The following SIAH2 variants were observed in gnomAD, a reference collection of about 807,000 sequenced individuals.
The protein encoded by SIAH2 is siah E3 ubiquitin protein ligase 2, also known as E3 ubiquitin-protein ligase SIAH2.
In SIAH2, 4 loss-of-function variants were observed where a neutral mutation model predicts 20.4. The observed-to-expected ratio is 0.20, with a 90% CI of 0.10 to 0.45. The LOEUF is 0.45. SIAH2 is among the 20% of genes least tolerant of loss of function. The pLI is 0.99. For missense variants in SIAH2, 259 were observed against 440.3 expected, an observed-to-expected ratio of 0.59 and a Z score of 3.69; for synonymous variants, 171 against 192.5, an observed-to-expected ratio of 0.89 and a Z score of 0.93.
At chr3:150,743,071 G>T (rs1429399797) in intron 1 of SIAH2, among the ~76,000 whole-genome samples, 1 of 152,202 alleles carries the variant, frequency 6.6e-6, no homozygotes, top group East Asian at 1.9e-4. Flanking sequence ...CAATTGCTTG[G>T]GTGGTGGGGA....
In SIAH2 at chr3:150,741,951, G is replaced by A. The variant is rs889232736; in HGVS notation, c.*190C>T. On this transcript the variant is annotated 3_prime_UTR_variant, in exon 2 of 2. Coordinates refer to ENST00000312960, the MANE Select transcript of SIAH2 (RefSeq NM_005067.7). Reference sequence around the variant, plus strand: ...AGAACAGCATCCAAATCACCAACAGGCCAACCCCATTCATCCCAGGTTAAT... The same window carrying A: ...AGAACAGCATCCAAATCACCAACAGACCAACCCCATTCATCCCAGGTTAAT... The A allele has an allele frequency of 3.3e-6, 2 of 607,618 alleles. No homozygotes were observed. Among genetic ancestry groups the A allele is most frequent in the Admixed American group, 6.2e-5 (2 of 32,106 alleles). The allele number at this position is 607,618 out of a possible 1,614,324, so 37.6% of individuals were successfully genotyped here. A position where few individuals can be genotyped will look rare whatever the true frequency, so the allele number is the denominator to read the frequency against.
chr3:150,749,499 C>A (rs1342774264), intron 1 of SIAH2, among the ~76,000 whole-genome samples: 2 of 152,148 alleles, frequency 1.3e-5, no homozygotes, highest in African/African-American at 2.4e-5. Flanking sequence ...CTGACAGACA[C>A]CCTGTCTCAA....
At chr3:150,754,923 G>A (rs1301649678) in intron 1 of SIAH2, among the ~76,000 whole-genome samples, 1 of 152,110 alleles carries the variant, frequency 6.6e-6, no homozygotes, top group Non-Finnish European at 1.5e-5. Context: ...GGGAAGGGAA[G>A]CTCATTGGGA....
chr3:150,745,159 C>T (rs1714180848), intron 1 of SIAH2, among the ~76,000 whole-genome samples: 1 of 152,036 alleles, frequency 6.6e-6, no homozygotes, highest in Non-Finnish European at 1.5e-5. Context: ...TATCCCTTCT[C>T]TTTCCATCAT....
At position 150,762,138 on chromosome 3, in the gene SIAH2, C is replaced by G; in HGVS notation, c.417+295G>C. The G allele has an allele frequency of 2.4e-6, 1 of 408,244 alleles. No homozygotes were observed. Among genetic ancestry groups the G allele is most frequent in the Non-Finnish European group, 4.4e-6 (1 of 229,282 alleles). 25.3% of individuals were successfully genotyped at this position (408,244 alleles called of 1,614,324 possible). A position where few individuals can be genotyped will look rare whatever the true frequency, so the allele number is the denominator to read the frequency against. On this transcript the variant is annotated intron_variant, in intron 1 of 1. Coordinates refer to ENST00000312960, the MANE Select transcript of SIAH2 (RefSeq NM_005067.7). This position sits in a 1 kb window ranked among gnomAD's most constrained non-coding sequence, Gnocchi z 6.6. ...GCGGCCCAGCCCTACCGAGAGTACCCGAATACACGTCTGCAGAGGACGCGG... is the reference window on the plus strand; with the variant it reads ...GCGGCCCAGCCCTACCGAGAGTACCGGAATACACGTCTGCAGAGGACGCGG...
intron 1 of SIAH2, among the ~76,000 whole-genome samples, chr3:150,750,636 A>G (rs1714335442): frequency 6.6e-6 from 1 of 152,072 alleles, no homozygotes; most frequent in African/African-American, 2.4e-5. Context: ...CAGGGTAGTC[A>G]TGAATTCCCG....
intron 1 of SIAH2, among the ~76,000 whole-genome samples, chr3:150,756,364 G>A (rs1365607204): frequency 6.6e-6 from 1 of 152,224 alleles, no homozygotes; most frequent in Non-Finnish European, 1.5e-5. Flanking sequence ...CTTTCAAGGA[G>A]TGAGGACCTT....
intron 1 of SIAH2, among the ~76,000 whole-genome samples, chr3:150,748,362 T>C (rs1004705621): frequency 2.0e-5 from 3 of 152,246 alleles, no homozygotes; most frequent in East Asian, 1.9e-4. Context: ...TGTTTACTTA[T>C]GAAATGAGTA....
chr3:150,745,277 A>ACC (rs1553759391), intron 1 of SIAH2, among the ~76,000 whole-genome samples: 6 of 128,926 alleles, frequency 4.7e-5, no homozygotes, highest in East Asian at 4.5e-4. Flanking sequence ...ACACACACAC[A>ACC]CCCCACATTT....
Position 150,742,934 on chromosome 3 carries a change from C to T in SIAH2, c.418-236G>A, listed in dbSNP as rs546350530. ...ACCAGAAATACGCTGTTTTCCATGC[C>T]CCCTGTTCCGCTGTCAAAGGGATCA... On this transcript the variant is annotated intron_variant, in intron 1 of 1. Transcript: ENST00000312960. This position sits in a 1 kb window ranked among gnomAD's most constrained non-coding sequence, Gnocchi z 4.8. 6.6e-5 allele frequency among the ~76,000 whole-genome samples: 10 copies of T among 152,216 alleles called. No individual in the cohort carries two copies. Among genetic ancestry groups the T allele is most frequent in the African/African-American group, 2.4e-4 (10 of 41,520 alleles).
In SIAH2 at chr3:150,742,384, C is replaced by T. The variant is rs763661338; in HGVS notation, c.732G>A (p.Gln244=). 10 of 1,614,216 alleles carry T rather than the reference C, an allele frequency of 6.2e-6. No individual in the cohort carries two copies. In the South Asian group the frequency reaches 9.9e-5, roughly 16 times the overall value. Residue 244 remains glutamine, a synonymous_variant, in exon 2 of 2, where the codon CAG becomes CAA. Transcript: ENST00000312960. The surrounding 1 kb of genome is among the most constrained non-coding windows in gnomAD (Gnocchi z 4.8). ...CAATGAGCAGGACGATGGCAAAAAACTGCTGGTGGCCTTCGTACTTCTCTT... is the reference window on the plus strand; with the variant it reads ...CAATGAGCAGGACGATGGCAAAAAATTGCTGGTGGCCTTCGTACTTCTCTT... ...EKQEKYEGHQ[Q]FFAIVLLIGT...
At chr3:150,752,884 G>A (rs1714401614) in intron 1 of SIAH2, among the ~76,000 whole-genome samples, 1 of 152,158 alleles carries the variant, frequency 6.6e-6, no homozygotes, top group Non-Finnish European at 1.5e-5. Context: ...GCAAGAGGTT[G>A]TAGTGAAAAA....
At chr3:150,757,603 G>A (rs1053325591) in intron 1 of SIAH2, among the ~76,000 whole-genome samples, 4 of 152,068 alleles carry the variant, frequency 2.6e-5, no homozygotes, top group South Asian at 4.1e-4. Flanking sequence ...GCCTGGAGAC[G>A]TGGTGGTTCG....
At chr3:150,760,937 A>G in intron 1 of SIAH2, among the ~76,000 whole-genome samples, 1 of 152,260 alleles carries the variant, frequency 6.6e-6, no homozygotes, top group East Asian at 1.9e-4. Context: ...TAAGCACTAT[A>G]TGAGGAGGGG....
rs1714628859 is a variant in SIAH2 at position 150,762,136 on chromosome 3, C to T, written c.417+297G>A. On this transcript the variant is annotated intron_variant, in intron 1 of 1. Coordinates refer to ENST00000312960, the MANE Select transcript of SIAH2 (RefSeq NM_005067.7). The surrounding 1 kb of genome is among the most constrained non-coding windows in gnomAD (Gnocchi z 6.6). ...GTGCGGCCCAGCCCTACCGAGAGTA[C>T]CCGAATACACGTCTGCAGAGGACGC... 1 of 402,580 alleles carries T rather than the reference C, an allele frequency of 2.5e-6. No individual in the cohort carries two copies. The highest frequency in any genetic ancestry group is 4.4e-6 in the Non-Finnish European group (1 of 225,332). The allele number at this position is 402,580 out of a possible 1,614,324, so 24.9% of individuals were successfully genotyped here. A position where few individuals can be genotyped will look rare whatever the true frequency, so the allele number is the denominator to read the frequency against.
intron 1 of SIAH2, among the ~76,000 whole-genome samples, chr3:150,745,008 T>A (rs976090814): frequency 6.6e-6 from 1 of 152,084 alleles, no homozygotes; most frequent in Non-Finnish European, 1.5e-5. Context: ...AGAAAAGGCA[T>A]TACTTTGCAT....
At chr3:150,745,472 C>T (rs1714190771) in intron 1 of SIAH2, among the ~76,000 whole-genome samples, 1 of 151,962 alleles carries the variant, frequency 6.6e-6, no homozygotes, top group Admixed American at 6.6e-5. Context: ...GTCTCACTGG[C>T]CCCTGGCCTT....
At chr3:150,748,807 G>A (rs1714285570) in intron 1 of SIAH2, among the ~76,000 whole-genome samples, 1 of 152,162 alleles carries the variant, frequency 6.6e-6, no homozygotes, top group Admixed American at 6.5e-5. Flanking sequence ...AATGATCACA[G>A]AATGCATACT....
chr3:150,757,157 T>A (rs956152542), intron 1 of SIAH2, among the ~76,000 whole-genome samples: 1 of 152,006 alleles, frequency 6.6e-6, no homozygotes, highest in Non-Finnish European at 1.5e-5. Flanking sequence ...ACAAACAGGG[T>A]CAGGGAAGTA....
Sources: gnomAD v4.1 joint callset for allele counts (sites outside exome capture counted in the v4.1 genomes callset) on GRCh38, gnomAD v4.1.1 for gene constraint, Gnocchi (gnomAD v3.1) non-coding constraint, MANE v1.5 for transcripts, NCBI Gene and HGNC (gene_info 2026-07-23, HGNC 2026-07-21) for gene names.